The following ZNF560 variants were observed in gnomAD, a reference collection of about 807,000 sequenced individuals.
ZNF560 encodes the protein zinc finger protein 560.
A neutral mutation model predicts 81.8 loss-of-function variants in ZNF560; 54 were observed. The ratio of observed to expected loss-of-function variants is 0.66; its 90% CI spans 0.53 to 0.83. The LOEUF is 0.83. ZNF560 is among the 40% of genes least tolerant of loss of function. The pLI, the probability that ZNF560 is intolerant of heterozygous loss-of-function variation, is 0.00. For missense variants in ZNF560, 940 were observed against 932.4 expected (o/e 1.01, Z -0.11); for synonymous variants, 321 against 317.9 (o/e 1.01, Z -0.10).
At chr19:9,501,156 C>CTTT (rs759618635), upstream of ZNF560, among the ~76,000 whole-genome samples, 42 of 106,358 alleles carry the variant, frequency 3.9e-4, no homozygotes, top group South Asian at 6.5e-4. Flanking sequence ...TTCTCTTTAG[C>CTTT]TTTTTTTTTT....
At chr19:9,473,352 G>GCT in intron 4 of ZNF560, 93 bp from the exon 5 acceptor site, 3 of 887,296 alleles carry the variant, frequency 3.4e-6, no homozygotes, top group Non-Finnish European at 5.2e-6. Context: ...AGGCTGAAGT[G>GCT]GGTGGATTAC....
chr19:9,466,899 G>T lies in ZNF560; in HGVS notation c.2048C>A (p.Thr683Asn). 6.2e-7 allele frequency: 1 copy of T among 1,614,032 alleles called. No homozygotes were observed. The highest frequency in any genetic ancestry group is 8.5e-7 in the Non-Finnish European group (1 of 1,180,028). ...ATTTCCACATGCGTTACATTCAGAGGTCTTCTCTGCTGCATGAGTTTTTAA... is the reference window on the plus strand; with the variant it reads ...ATTTCCACATGCGTTACATTCAGAGTTCTTCTCTGCTGCATGAGTTTTTAA... Reference protein sequence around the residue: ...QHLKTHAAEKTSECNACGNSF... With the variant: ...QHLKTHAAEKNSECNACGNSF... Residue 683 changes from threonine (T) to asparagine (N), a missense_variant, in exon 10 of 10, where the codon ACC becomes AAC. Physicochemically the swap from Thr to Asn is moderately conservative, Grantham distance 65. Transcript: ENST00000301480.
intron 2 of ZNF560, among the ~76,000 whole-genome samples, chr19:9,481,058 G>A (rs1240979773): frequency 6.8e-6 from 1 of 146,076 alleles, no homozygotes. Context: ...CATTCCACCT[G>A]GGCAATACAG....
chr19:9,489,623 CAT>C (rs1455312869), intron 2 of ZNF560, among the ~76,000 whole-genome samples: 1 of 150,892 alleles, frequency 6.6e-6, no homozygotes, highest in Admixed American at 6.6e-5. Flanking sequence ...TTTTTTGAGA[CAT>C]GTCACCCAGG....
At chr19:9,460,474 C>T in the ZNF560 span, among the ~76,000 whole-genome samples, 1 of 151,364 alleles carries the variant, frequency 6.6e-6, no homozygotes, top group East Asian at 1.9e-4. Context: ...CTTGGCTGGA[C>T]CCCCCAGTGG....
At chr19:9,455,811 A>G in the ZNF560 span, among the ~76,000 whole-genome samples, 2 of 152,182 alleles carry the variant, frequency 1.3e-5, no homozygotes, top group African/African-American at 2.4e-5. Context: ...TAATCTGCAT[A>G]AAGCTACTCT....
At chr19:9,488,962 C>A (rs1011337381) in intron 2 of ZNF560, among the ~76,000 whole-genome samples, 1 of 152,132 alleles carries the variant, frequency 6.6e-6, no homozygotes, top group Non-Finnish European at 1.5e-5. Flanking sequence ...TGGCTCCTGC[C>A]ATATAAGATG....
chr19:9,463,601 TACC>T (rs1702636021), downstream of ZNF560, among the ~76,000 whole-genome samples: 2 of 152,336 alleles, frequency 1.3e-5, no homozygotes, highest in Admixed American at 1.3e-4. Flanking sequence ...ATCACACTCA[TACC>T]ACAAGAGAAC....
intron 2 of ZNF560, among the ~76,000 whole-genome samples, chr19:9,487,199 C>G (rs952920268): frequency 5.3e-5 from 8 of 152,204 alleles, no homozygotes; most frequent in African/African-American, 1.9e-4. Flanking sequence ...CGTCATTGTT[C>G]CATCTGCGAG....
intron 2 of ZNF560, among the ~76,000 whole-genome samples, chr19:9,481,083 A>C (rs1326919798): frequency 0.23 from 8,037 of 34,988 alleles, 245 homozygotes; most frequent in South Asian, 0.37. Flanking sequence ...AGATTATCTG[A>C]AAAAAAAAAA....
the ZNF560 span, among the ~76,000 whole-genome samples, chr19:9,447,533 C>G: frequency 6.6e-6 from 1 of 151,872 alleles, no homozygotes; most frequent in South Asian, 2.1e-4. Flanking sequence ...AGTAATTAAT[C>G]AAAGCTACAG....
chr19:9,481,368 A>T (rs1179131788), intron 2 of ZNF560, among the ~76,000 whole-genome samples: 1 of 152,234 alleles, frequency 6.6e-6, no homozygotes, highest in African/African-American at 2.4e-5. Flanking sequence ...ATGGGCAAGG[A>T]CTTCATGTCT....
intron 5 of ZNF560, 46 bp downstream of exon 5, chr19:9,473,133 A>G (rs762630382): frequency 5.5e-6 from 8 of 1,460,660 alleles, no homozygotes; most frequent in Non-Finnish European, 7.7e-6. Context: ...GCTTCTAAAC[A>G]TACTGAACTT....
chr19:9,498,375 T>C (rs1368721019), intron 1 of ZNF560, among the ~76,000 whole-genome samples, 160 bp from the exon 2 acceptor site: 1 of 152,106 alleles, frequency 6.6e-6, no homozygotes, highest in South Asian at 2.1e-4. Context: ...AAGGTCCCAA[T>C]GGCCTCTTCG....
rs1186142260 is a variant in ZNF560 at position 9,475,300 on chromosome 19, A to G, written c.14T>C (p.Leu5Pro). 6.2e-7 allele frequency: 1 copy of G among 1,613,898 alleles called. No homozygotes were observed. Among genetic ancestry groups the G allele is most frequent in the Admixed American group, 1.7e-5 (1 of 60,000 alleles). Residue 5 changes from leucine (L) to proline (P), a missense_variant, in exon 3 of 10, where the codon CTG becomes CCG. Coordinates refer to ENST00000301480, the MANE Select transcript of ZNF560 (RefSeq NM_152476.3). MAYC[L>P]TNCYQYSVTF... Reference sequence around the variant, plus strand: ...TCTGCATACCTGATAACAATTTGTCAGGCAGTAAGCCATCTTCCTTTCTGC... The same window carrying G: ...TCTGCATACCTGATAACAATTTGTCGGGCAGTAAGCCATCTTCCTTTCTGC...
rs144628553 is a variant in ZNF560, at chr19:9,475,297, G to A, written c.17C>T (p.Thr6Ile). The change falls in exon 3 of 10, where the codon ACA (threonine) becomes ATA (isoleucine). Residue 6 changes from threonine to isoleucine, a missense_variant. Physicochemically the swap from Thr to Ile is moderately conservative, Grantham distance 89. Coordinates refer to ENST00000301480, the MANE Select transcript of ZNF560 (RefSeq NM_152476.3). MAYCL[T>I]NCYQYSVTFE... Reference sequence around the variant, plus strand: ...TTTTCTGCATACCTGATAACAATTTGTCAGGCAGTAAGCCATCTTCCTTTC... The same window carrying A: ...TTTTCTGCATACCTGATAACAATTTATCAGGCAGTAAGCCATCTTCCTTTC... 13 of 1,613,682 alleles carry A rather than the reference G, an allele frequency of 8.1e-6. No individual in the cohort carries two copies. Among genetic ancestry groups the A allele is most frequent in the African/African-American group, 2.7e-5 (2 of 74,884 alleles).
chr19:9,469,607 G>A lies in ZNF560; in HGVS notation c.529+23C>T, dbSNP rs769174612. The A allele has an allele frequency of 1.9e-5, 31 of 1,607,760 alleles. No individual in the cohort carries two copies. In the African/African-American group the frequency reaches 3.7e-4, roughly 19 times the overall value. On this transcript the variant is annotated intron_variant, in intron 8 of 9. Coordinates refer to ENST00000301480, the MANE Select transcript of ZNF560 (RefSeq NM_152476.3). ...GTACTGAGAACTTCTCATGGACCAG[G>A]GTTGTTCTTCACAAACACTCACCTT...
chr19:9,466,833 GTTTTTAA>G lies in ZNF560; in HGVS notation c.2107_2113del (p.Lys704SerfsTer4). The stretch of plus-strand genomic sequence containing the variant: ...TTTATAGGGTTTTATTTTGGTGAGA[GTTTTTAA>G]GCGATCATGAAAGCACATGGAATTT... On this transcript the variant is annotated frameshift_variant, in exon 10 of 10. Coordinates refer to ENST00000301480, the MANE Select transcript of ZNF560 (RefSeq NM_152476.3). LOFTEE classifies it high-confidence loss of function. 1 of 1,613,898 alleles carries G rather than the reference GTTTTTAA, an allele frequency of 6.2e-7. No individual in the cohort carries two copies. The highest frequency in any genetic ancestry group is 8.5e-7 in the Non-Finnish European group (1 of 1,179,958).
intron 2 of ZNF560, among the ~76,000 whole-genome samples, chr19:9,483,654 C>T (rs1169720443): frequency 3.3e-5 from 5 of 150,216 alleles, no homozygotes; most frequent in East Asian, 2.0e-4. Context: ...GCCGGCCAGC[C>T]GCCCCGTCAG....
Sources: allele counts gnomAD v4.1 joint callset (sites outside exome capture counted in the v4.1 genomes callset), GRCh38; gene constraint gnomAD v4.1.1; transcripts MANE v1.5; gene names NCBI Gene and HGNC (gene_info 2026-07-23, HGNC 2026-07-21).